Variants in ABHD2 observed in about 807,000 individuals in gnomAD.
ABHD2 encodes the protein monoacylglycerol lipase ABHD2.
Under a neutral mutation model 48.1 loss-of-function variants are expected in ABHD2, and 20 were observed. The ratio of observed to expected loss-of-function variants is 0.42; its 90% CI spans 0.29 to 0.60. The LOEUF (loss-of-function observed/expected upper bound fraction) is 0.60. ABHD2 is among the 20% of genes least tolerant of loss of function. ABHD2 has a pLI of 0.24. For missense variants in ABHD2, 405 were observed against 550.9 expected (o/e 0.74, Z 2.65); for synonymous variants, 209 against 214.2 (o/e 0.98, Z 0.21).
intron 3 of ABHD2, among the ~76,000 whole-genome samples, chr15:89,127,883 C>T (rs2050161328): frequency 6.6e-6 from 1 of 152,016 alleles, no homozygotes; most frequent in African/African-American, 2.4e-5. Flanking sequence ...CTGTCAGAAT[C>T]CTCAGGCCTT....
At chr15:89,170,196 A>G (rs893856845) in intron 5 of ABHD2, among the ~76,000 whole-genome samples, 1 of 142,520 alleles carries the variant, frequency 7.0e-6, no homozygotes, top group African/African-American at 2.6e-5. Flanking sequence ...CCCAGGCTCA[A>G]GCGATTCTCC....
At chr15:89,109,095 C>T (rs553238724) in intron 1 of ABHD2, among the ~76,000 whole-genome samples, 4 of 152,336 alleles carry the variant, frequency 2.6e-5, no homozygotes, top group African/African-American at 4.8e-5. Context: ...CAGACTGGAG[C>T]TTTTCCCAGT....
chr15:89,121,511 A>G lies in ABHD2; in HGVS notation c.194+4990A>G, dbSNP rs529696836. ...CTATCATTTACATACAGTAAAATATACAAATCTTAAGTATATAGCTCAGGG... is the reference window on the plus strand; with the variant it reads ...CTATCATTTACATACAGTAAAATATGCAAATCTTAAGTATATAGCTCAGGG... On this transcript the variant is annotated intron_variant, in intron 3 of 10. Transcript: ENST00000352732. Among the ~76,000 whole-genome samples, 13 of 151,878 alleles carry G rather than the reference A, an allele frequency of 8.6e-5. No individual in the cohort carries two copies. In the South Asian group the frequency reaches 1.5e-3, roughly 17 times the overall value.
In ABHD2 at chr15:89,175,882, C is replaced by A. The variant is rs142298746; in HGVS notation, c.609C>A (p.Val203=). 145 of 1,613,950 alleles carry A rather than the reference C, an allele frequency of 9.0e-5. 1 individual carries two copies. The African/African-American group carries it at 1.8e-3, about 20-fold the overall frequency. ...KKTYPLTQLV[V]VGFSLGGNIV... ...CATATCCCCTGACCCAGCTGGTCGT[C>A]GTGGGCTTCAGCCTGGGTGGTAACA... The change falls in exon 6 of 11, where the codon GTC becomes GTA. Residue 203 remains valine, a synonymous_variant. Transcript: ENST00000352732. The surrounding 1 kb of genome is among the most constrained non-coding windows in gnomAD (Gnocchi z 5.7).
rs2050664381 is a variant in ABHD2, at chr15:89,155,832, G to T, written c.538+298G>T. On this transcript the variant is annotated intron_variant, in intron 5 of 10. Transcript: ENST00000352732. This position sits in a 1 kb window ranked among gnomAD's most constrained non-coding sequence, Gnocchi z 4.9. ...TCACAGCAGGGCTGGGAGCCAGGTA[G>T]ATCGGGTAGCAGAGCTCATGACCTT... Among the ~76,000 whole-genome samples the T allele has an allele frequency of 6.6e-6, 1 of 152,176 alleles. No individual in the cohort carries two copies. Among genetic ancestry groups the T allele is most frequent in the Non-Finnish European group, 1.5e-5 (1 of 68,032 alleles).
Position 89,201,083 on chromosome 15 carries a change from C to A in ABHD2, c.*5660C>A, listed in dbSNP as rs112615188. 1.1e-6 allele frequency: 1 copy of A among 925,868 alleles called. No homozygotes were observed. Among genetic ancestry groups the A allele is most frequent in the East Asian group, 2.4e-5 (1 of 41,346 alleles). The allele number at this position is 925,868 out of a possible 1,614,324, so 57.4% of individuals were successfully genotyped here. A position where few individuals can be genotyped will look rare whatever the true frequency, so the allele number is the denominator to read the frequency against. ...GGCAACAAGAGTGAGACTCCGTCTC[C>A]AAAAAAAGAAAAGGAATCCAGTGAA... On this transcript the variant is annotated 3_prime_UTR_variant, in exon 11 of 11. Coordinates refer to ENST00000352732, the MANE Select transcript of ABHD2 (RefSeq NM_152924.5).
At chr15:89,064,168 C>T in the ABHD2 span, among the ~76,000 whole-genome samples, 1 of 150,904 alleles carries the variant, frequency 6.6e-6, no homozygotes, top group Admixed American at 6.6e-5. Flanking sequence ...CATGTTATAG[C>T]ATGTGTCAGA....
rs1355228789 is a variant in ABHD2 at position 89,120,956 on chromosome 15, GA to G, written c.194+4436del. On this transcript the variant is annotated intron_variant, in intron 3 of 10. Coordinates refer to ENST00000352732, the MANE Select transcript of ABHD2 (RefSeq NM_152924.5). The surrounding 1 kb of genome is among the most constrained non-coding windows in gnomAD (Gnocchi z 4.2). ...TTGCCCCCACAAAATCACGGTGATA[GA>G]TATTGTTTAGTAACCTGCTTTCACC... 6 of 152,188 alleles carry G rather than the reference GA, an allele frequency of 3.9e-5. No homozygotes were observed. The highest frequency in any genetic ancestry group is 1.4e-4 in the African/African-American group (6 of 41,446). The allele number at this position is 152,188 out of a possible 1,614,324, so 9.4% of individuals were successfully genotyped here.
At chr15:89,134,109 A>G (rs2050264741) in intron 3 of ABHD2, among the ~76,000 whole-genome samples, 1 of 152,126 alleles carries the variant, frequency 6.6e-6, no homozygotes, top group South Asian at 2.1e-4. Context: ...GAGTGCTGGG[A>G]TTACAGGCGT....
rs1374144012 is a variant in ABHD2 at position 89,094,892 on chromosome 15, A to G, written c.-107+6329A>G. 6.6e-6 allele frequency among the ~76,000 whole-genome samples: 1 copy of G among 151,508 alleles called. No individual in the cohort carries two copies. The highest frequency in any genetic ancestry group is 1.5e-5 in the Non-Finnish European group (1 of 67,886). ...AGCCTGGCCAACATGATGAAACCCC[A>G]TATCCACTAAAAATACAAAATATTA... On this transcript the variant is annotated intron_variant, in intron 1 of 10. Transcript: ENST00000352732. This position sits in a 1 kb window ranked among gnomAD's most constrained non-coding sequence, Gnocchi z 4.7.
At chr15:89,172,865 C>G (rs1008063502) in intron 5 of ABHD2, among the ~76,000 whole-genome samples, 1 of 152,204 alleles carries the variant, frequency 6.6e-6, no homozygotes, top group African/African-American at 2.4e-5. Context: ...TTCCCATTCC[C>G]AGGCCTCATC....
chr15:89,084,673 G>A (rs967821973), upstream of ABHD2, among the ~76,000 whole-genome samples: 1 of 152,120 alleles, frequency 6.6e-6, no homozygotes, highest in Non-Finnish European at 1.5e-5. The surrounding 1 kb of genome is among the most constrained non-coding windows in gnomAD (Gnocchi z 4.4). Context: ...TACTTCTGAG[G>A]GCTAGAACTT....
rs1473164083 is a variant in ABHD2, at chr15:89,167,784, T to A, written c.539-8028T>A. On this transcript the variant is annotated intron_variant, in intron 5 of 10. Transcript: ENST00000352732. The surrounding 1 kb of genome is among the most constrained non-coding windows in gnomAD (Gnocchi z 5.5). ...TAAGAAATGACTCACATACTTTTAC[T>A]ATGGAAGTGACAGGGGCTGCTAGGC... Among the ~76,000 whole-genome samples the A allele has an allele frequency of 6.6e-6, 1 of 152,218 alleles. No individual in the cohort carries two copies. Among genetic ancestry groups the A allele is most frequent in the Admixed American group, 6.5e-5 (1 of 15,280 alleles).
At chr15:89,117,278 G>C (rs2049976692) in intron 3 of ABHD2, among the ~76,000 whole-genome samples, 1 of 152,194 alleles carries the variant, frequency 6.6e-6, no homozygotes, top group African/African-American at 2.4e-5. Flanking sequence ...TGCCCGCCTT[G>C]GCCTCCCAAA....
At position 89,174,608 on chromosome 15, in the gene ABHD2, T is replaced by C. The variant is rs1179906565; in HGVS notation, c.539-1204T>C. On this transcript the variant is annotated intron_variant, in intron 5 of 10. Transcript: ENST00000352732. The surrounding 1 kb of genome is among the most constrained non-coding windows in gnomAD (Gnocchi z 4.1). ...GATTAGGGAAGGAGCTGTTCAACTC[T>C]ATTAAGAATGCCAAAACCTCTGAGC... is the stretch of plus-strand genomic sequence containing the variant. Among the ~76,000 whole-genome samples the C allele has an allele frequency of 6.6e-6, 1 of 152,242 alleles. No homozygotes were observed. Among genetic ancestry groups the C allele is most frequent in the Non-Finnish European group, 1.5e-5 (1 of 68,038 alleles).
At chr15:89,181,190 C>T (rs2051105187) in intron 6 of ABHD2, among the ~76,000 whole-genome samples, 1 of 128,594 alleles carries the variant, frequency 7.8e-6, no homozygotes, top group South Asian at 2.6e-4. Flanking sequence ...CATGCCATTA[C>T]TGCACTCCAG....
At chr15:89,147,830 C>T (rs1316089004) in intron 3 of ABHD2, among the ~76,000 whole-genome samples, 2 of 150,940 alleles carry the variant, frequency 1.3e-5, no homozygotes, top group Admixed American at 6.6e-5. Flanking sequence ...AAACTAGGGC[C>T]GGGCACAGTG....
chr15:89,185,372 C>A lies in ABHD2; in HGVS notation c.723-52C>A. The A allele has an allele frequency of 6.6e-7, 1 of 1,511,484 alleles. No homozygotes were observed. Among genetic ancestry groups the A allele is most frequent in the Non-Finnish European group, 9.2e-7 (1 of 1,090,454 alleles). 93.6% of individuals were successfully genotyped at this position (1,511,484 alleles called of 1,614,324 possible). On this transcript the variant is annotated intron_variant, in intron 6 of 10. Transcript: ENST00000352732. This position sits in a 1 kb window ranked among gnomAD's most constrained non-coding sequence, Gnocchi z 5.9. ...CATGGCTAGAGCCCCCTCCTGGCTG[C>A]CCGCCTGCACCCCCACACCGCAGTC... is the stretch of plus-strand genomic sequence containing the variant.
At chr15:89,061,930 C>G in the ABHD2 span, among the ~76,000 whole-genome samples, 1 of 152,114 alleles carries the variant, frequency 6.6e-6, no homozygotes, top group East Asian at 1.9e-4. Flanking sequence ...TAATAGCTGC[C>G]TAACTATTCA....
Sources: allele counts gnomAD v4.1 joint callset (sites outside exome capture counted in the v4.1 genomes callset), GRCh38; gene constraint gnomAD v4.1.1; non-coding constraint Gnocchi (gnomAD v3.1); transcripts MANE v1.5; gene names NCBI Gene and HGNC (gene_info 2026-07-23, HGNC 2026-07-21).